Variants in CDCA7L observed in about 807,000 individuals in gnomAD.
CDCA7L encodes cell division cycle-associated 7-like protein.
Under a neutral mutation model 57.4 loss-of-function variants are expected in CDCA7L, and 44 were observed. The ratio of observed to expected loss-of-function variants is 0.77; its 90% CI spans 0.60 to 0.98. CDCA7L has a LOEUF of 0.98. CDCA7L is among the 50% of genes least tolerant of loss of function. The probability of loss-of-function intolerance (pLI) is 0.00; values close to 1 mark genes in which losing one functional copy is unlikely to be tolerated. For missense variants in CDCA7L, 644 were observed against 580.6 expected (o/e 1.11, Z -1.12); for synonymous variants, 236 against 202.8 (o/e 1.16, Z -1.39).
chr7:21,921,180 A>G (rs1466664336), intron 1 of CDCA7L, among the ~76,000 whole-genome samples: 1 of 152,162 alleles, frequency 6.6e-6, no homozygotes, highest in Non-Finnish European at 1.5e-5. Flanking sequence ...TGACTTCTGC[A>G]TCTGCTCCAG....
chr7:21,912,779 G>A (rs1281864431), intron 2 of CDCA7L, among the ~76,000 whole-genome samples: 1 of 152,210 alleles, frequency 6.6e-6, no homozygotes, highest in Admixed American at 6.5e-5. Flanking sequence ...GAGGTGAGAG[G>A]TGAACAACCA....
chr7:21,906,644 A>G lies in CDCA7L; in HGVS notation c.682-5T>C, dbSNP rs995530782. ...TTCCGCCAATAACTGGGCAAGCTGA[A>G]GTTCAGAACAAAAGAAAGAATCTTA... On this transcript the variant is annotated splice_region_variant and splice_polypyrimidine_tract_variant and intron_variant, in intron 4 of 9. Transcript: ENST00000406877. 7 of 1,613,580 alleles carry G rather than the reference A, an allele frequency of 4.3e-6. No homozygotes were observed. Among genetic ancestry groups the G allele is most frequent in the Non-Finnish European group, 5.1e-6 (6 of 1,179,998 alleles).
In CDCA7L at chr7:21,901,379, C is replaced by A; in HGVS notation, c.*943G>T. ...ACTCACACGTGCATTCTTTTTTCAACGCTATCCTTAGAGTGAAAGTCAGAA... is the reference window on the plus strand; with the variant it reads ...ACTCACACGTGCATTCTTTTTTCAAAGCTATCCTTAGAGTGAAAGTCAGAA... On this transcript the variant is annotated 3_prime_UTR_variant, in exon 10 of 10. Coordinates refer to ENST00000406877, the MANE Select transcript of CDCA7L (RefSeq NM_018719.5). 3.1e-6 allele frequency: 4 copies of A among 1,303,194 alleles called. No individual in the cohort carries two copies. The highest frequency in any genetic ancestry group is 4.0e-6 in the Non-Finnish European group (4 of 1,003,048). The allele number at this position is 1,303,194 out of a possible 1,614,324, so 80.7% of individuals were successfully genotyped here.
chr7:21,923,182 G>A (rs373601443), intron 1 of CDCA7L, among the ~76,000 whole-genome samples: 60 of 152,150 alleles, frequency 3.9e-4, no homozygotes, highest in Middle Eastern at 6.8e-3. Flanking sequence ...AGAATTCAAC[G>A]AAAAAAGACA....
intron 1 of CDCA7L, 119 bp from the exon 2 acceptor site, chr7:21,917,013 A>G (rs991511876): frequency 6.2e-6 from 7 of 1,132,724 alleles, no homozygotes; most frequent in Non-Finnish European, 9.0e-6. Context: ...GTTGCCCAGA[A>G]GTCCCCAGTA....
intron 9 of CDCA7L, 139 bp from the exon 10 acceptor site, chr7:21,902,491 G>A: frequency 1.2e-6 from 1 of 814,436 alleles, no homozygotes; most frequent in Non-Finnish European, 2.1e-6. Flanking sequence ...GACAATTTAT[G>A]CATCAATATC....
At chr7:21,904,964 G>C (rs1000722797) in intron 7 of CDCA7L, among the ~76,000 whole-genome samples, 3 of 152,216 alleles carry the variant, frequency 2.0e-5, no homozygotes, top group African/African-American at 7.2e-5. Context: ...CCCCAGCCTA[G>C]CTCTGCAGAC....
At chr7:21,905,733 C>T in intron 6 of CDCA7L, 102 bp from the exon 7 acceptor site, 1 of 1,259,694 alleles carries the variant, frequency 7.9e-7, no homozygotes, top group Non-Finnish European at 1.1e-6. Context: ...TAATGTTAAC[C>T]CCGTCCCTCT....
At chr7:21,937,646 GAA>G (rs1183201159) in intron 1 of CDCA7L, among the ~76,000 whole-genome samples, 1 of 116,242 alleles carries the variant, frequency 8.6e-6, no homozygotes. Context: ...CCTTAAAAAA[GAA>G]AAAAAAAAAA....
intron 1 of CDCA7L, among the ~76,000 whole-genome samples, chr7:21,917,970 GT>G (rs1317033216): frequency 1.3e-5 from 1 of 76,554 alleles, no homozygotes; most frequent in South Asian, 4.6e-4. Context: ...TTATGACACT[GT>G]TTTTTGTTGT....
chr7:21,905,747 A>C (rs916817672), intron 6 of CDCA7L, 116 bp from the exon 7 acceptor site: 1 of 1,147,422 alleles, frequency 8.7e-7, no homozygotes, highest in Non-Finnish European at 1.2e-6. Context: ...TCCCTCTTCT[A>C]TTTCCCTGCA....
intron 1 of CDCA7L, among the ~76,000 whole-genome samples, chr7:21,929,631 C>CAAAAAAAGAAAAA (rs1785942231): frequency 2.8e-5 from 1 of 35,510 alleles, no homozygotes. Context: ...AAATGGAAAG[C>CAAAAAAAGAAAAA]AAAAAAAAAA....
chr7:21,938,557 C>T (rs1315684949), intron 1 of CDCA7L, among the ~76,000 whole-genome samples: 1 of 152,056 alleles, frequency 6.6e-6, no homozygotes, highest in Non-Finnish European at 1.5e-5. Context: ...GGAACACACA[C>T]CCAGAACAAC....
chr7:21,936,347 G>C (rs1396842226), intron 1 of CDCA7L, among the ~76,000 whole-genome samples: 2 of 152,142 alleles, frequency 1.3e-5, no homozygotes, highest in Non-Finnish European at 2.9e-5. Flanking sequence ...GCATTATCCT[G>C]ATACCAAAGC....
chr7:21,906,406 AC>A lies in CDCA7L; in HGVS notation c.803del (p.Arg268LeufsTer2). 1.2e-6 allele frequency: 2 copies of A among 1,613,428 alleles called. No individual in the cohort carries two copies. The highest frequency in any genetic ancestry group is 1.7e-6 in the Non-Finnish European group (2 of 1,179,606). ...RAFSEGQITR[R>X]MNPTRSARPP... is the part of the protein sequence containing the mutation. ...GCCGCGCACTCCGGGTTGGGTTCAT[AC>A]GCCGCGTGATCTGTCCCTCCGAGAA... On this transcript the variant is annotated frameshift_variant, in exon 6 of 10. Transcript: ENST00000406877. LOFTEE classifies it high-confidence loss of function.
chr7:21,945,854 C>A lies in CDCA7L; in HGVS notation c.-50G>T. 1 of 1,573,286 alleles carries A rather than the reference C, an allele frequency of 6.4e-7. No homozygotes were observed. Among genetic ancestry groups the A allele is most frequent in the Admixed American group, 1.8e-5 (1 of 54,912 alleles). ...CTCCCAGCACGCGGCCACGGGAGCC[C>A]GGACTCACCACGGCCCGGCGCACCA... On this transcript the variant is annotated 5_prime_UTR_variant, in exon 1 of 10. Transcript: ENST00000406877.
chr7:21,907,173 G>T (rs190697297), intron 4 of CDCA7L, among the ~76,000 whole-genome samples: 15 of 152,150 alleles, frequency 9.9e-5, no homozygotes, highest in African/African-American at 3.6e-4. Context: ...ATATGCCAGA[G>T]AATTTAATTA....
At chr7:21,930,162 C>T (rs1356935151) in intron 1 of CDCA7L, among the ~76,000 whole-genome samples, 1 of 152,148 alleles carries the variant, frequency 6.6e-6, no homozygotes, top group Non-Finnish European at 1.5e-5. Flanking sequence ...GATGAAGAAA[C>T]TCACTCAAAA....
intron 3 of CDCA7L, among the ~76,000 whole-genome samples, chr7:21,910,860 C>T (rs1342200682): frequency 6.6e-6 from 1 of 152,130 alleles, no homozygotes; most frequent in Non-Finnish European, 1.5e-5. Context: ...GCATGGGGAA[C>T]ACCAAGTTTG....
Sources: gnomAD v4.1 joint callset for allele counts (sites outside exome capture counted in the v4.1 genomes callset) on GRCh38, gnomAD v4.1.1 for gene constraint, MANE v1.5 for transcripts, NCBI Gene and HGNC (gene_info 2026-07-23, HGNC 2026-07-21) for gene names.